Variants in FOXK2 observed in about 807,000 individuals in gnomAD.
The protein encoded by FOXK2 is forkhead box protein K2.
A neutral mutation model predicts 53.3 loss-of-function variants in FOXK2; 24 were observed. The observed-to-expected ratio is 0.45, with a 90% CI of 0.33 to 0.63. The LOEUF (loss-of-function observed/expected upper bound fraction) is 0.63, where lower values mean the gene tolerates loss of function less well. Among genes scored for constraint, FOXK2 ranks in the 30% least tolerant of loss-of-function variants. The pLI is 0.03. For synonymous variants in FOXK2, 505 were observed against 407.1 expected (o/e 1.24, Z -2.89); for missense variants, 952 against 910.5 (o/e 1.05, Z -0.59).
chr17:82,553,052 C>T (rs1358111706), intron 1 of FOXK2, among the ~76,000 whole-genome samples: 1 of 152,214 alleles, frequency 6.6e-6, no homozygotes, highest in Non-Finnish European at 1.5e-5. Context: ...TCTCCTGCCT[C>T]AGCCTCCGGA....
intron 1 of FOXK2, among the ~76,000 whole-genome samples, chr17:82,524,278 C>T (rs1479126043): frequency 6.6e-6 from 1 of 152,174 alleles, no homozygotes; most frequent in Admixed American, 6.6e-5. Context: ...AACAACCCGT[C>T]GTTGGTCTCT....
intron 1 of FOXK2, among the ~76,000 whole-genome samples, chr17:82,549,203 T>C (rs2044653691): frequency 6.6e-6 from 1 of 152,224 alleles, no homozygotes; most frequent in Non-Finnish European, 1.5e-5. Flanking sequence ...GTGAGGATCT[T>C]AAGTGTGAGG....
chr17:82,529,388 ATTT>A (rs767198244), intron 1 of FOXK2, among the ~76,000 whole-genome samples: 5 of 122,060 alleles, frequency 4.1e-5, no homozygotes, highest in Admixed American at 8.6e-5. Context: ...ACGCCGGCTA[ATTT>A]TTTTTTTTTT....
chr17:82,533,180 T>G (rs1367316338), intron 1 of FOXK2, among the ~76,000 whole-genome samples: 2 of 152,192 alleles, frequency 1.3e-5, no homozygotes, highest in Non-Finnish European at 2.9e-5. Flanking sequence ...AGCAGTATAC[T>G]CTAAATTAAC....
chr17:82,565,526 T>C (rs949780201), intron 2 of FOXK2, among the ~76,000 whole-genome samples: 5 of 152,066 alleles, frequency 3.3e-5, no homozygotes, highest in Non-Finnish European at 5.9e-5. Context: ...AAAGAAGATA[T>C]AGAAATGGCC....
In FOXK2 at chr17:82,601,741, T is replaced by G. The variant is rs1041262470; in HGVS notation, c.*242T>G. On this transcript the variant is annotated 3_prime_UTR_variant, in exon 9 of 9. Transcript: ENST00000335255. ...CCACTGAGCACCTGCTGGGCTGAGC[T>G]TCTACCTACGAGTGAAACTCTGTCC... 6.9e-6 allele frequency: 3 copies of G among 434,982 alleles called. No individual in the cohort carries two copies. The highest frequency in any genetic ancestry group is 5.9e-5 in the African/African-American group (3 of 51,164). 26.9% of individuals were successfully genotyped at this position (434,982 alleles called of 1,614,324 possible).
chr17:82,546,934 G>A (rs188974915), intron 1 of FOXK2, among the ~76,000 whole-genome samples: 8 of 151,986 alleles, frequency 5.3e-5, no homozygotes, highest in South Asian at 4.2e-4. Flanking sequence ...AAAATTAGTC[G>A]GGCGTGGTGG....
rs751776107 is a variant in FOXK2, at chr17:82,584,061, T to C, written c.1152T>C (p.Ser384=). The change falls in exon 6 of 9, where the codon TCT becomes TCC. Residue 384 remains serine, a synonymous_variant. Transcript: ENST00000335255. The part of the protein sequence containing the change: ...PNHAGVLSAH[S]SGAQTPESLS... ...ACGCGGGAGTGCTGTCTGCTCACTC[T>C]AGTGGCGCCCAGACCCCTGAGAGCC... The C allele has an allele frequency of 3.1e-6, 5 of 1,611,880 alleles. No individual in the cohort carries two copies. Among genetic ancestry groups the C allele is most frequent in the Non-Finnish European group, 3.4e-6 (4 of 1,179,794 alleles).
rs1404808814 is a variant in FOXK2, at chr17:82,587,140, A to C, written c.1654A>C (p.Thr552Pro). The change falls in exon 8 of 9, where the codon ACC becomes CCC. Residue 552 changes from threonine to proline, a missense_variant. Around this residue, in one of 5 missense-constraint regions of FOXK2, gnomAD observed 551 missense variants for 385.1 expected, o/e 1.43. Coordinates refer to ENST00000335255, the MANE Select transcript of FOXK2 (RefSeq NM_004514.4). ...ASRIIQTAQT[T>P]PVQTVTIVQQ... ...CCGGATCATTCAGACGGCACAGACC[A>C]CCCCGGTCCAGACGGTGACCATAGT... 6.2e-7 allele frequency: 1 copy of C among 1,613,032 alleles called. No individual in the cohort carries two copies. The highest frequency in any genetic ancestry group is 1.1e-5 in the South Asian group (1 of 91,082).
At chr17:82,565,091 C>T (rs1453244951) in intron 2 of FOXK2, among the ~76,000 whole-genome samples, 13 of 152,144 alleles carry the variant, frequency 8.5e-5, no homozygotes, top group Non-Finnish European at 1.9e-4. Context: ...GACTTCCCAA[C>T]AAGTGGTACC....
chr17:82,601,264 G>C (rs371933627), intron 8 of FOXK2, 39 bp from the exon 9 acceptor site: 1 of 1,589,102 alleles, frequency 6.3e-7, no homozygotes, highest in Non-Finnish European at 8.6e-7. Context: ...GAGGGTTCAC[G>C]TGAGAGCGTG....
At chr17:82,596,395 C>G (rs1191770553) in intron 8 of FOXK2, among the ~76,000 whole-genome samples, 1 of 44,730 alleles carries the variant, frequency 2.2e-5, no homozygotes. Flanking sequence ...TAGGGGGAGC[C>G]TCAGAGCTTG....
At chr17:82,587,340 G>A (rs924852294) in intron 8 of FOXK2, 68 bp downstream of exon 8, 1 of 1,264,382 alleles carries the variant, frequency 7.9e-7, no homozygotes, top group East Asian at 2.3e-5. Context: ...TCTCACTCGT[G>A]GTTTCGGTTC....
chr17:82,583,956 A>G, intron 5 of FOXK2, 57 bp from the exon 6 acceptor site: 1 of 1,519,400 alleles, frequency 6.6e-7, no homozygotes, highest in East Asian at 2.3e-5. Context: ...TAAAACAGCA[A>G]GTGCTTTCTG....
Position 82,584,242 on chromosome 17 carries a change from C to T in FOXK2, c.1279+54C>T, listed in dbSNP as rs968733567. 46 of 1,484,260 alleles carry T rather than the reference C, an allele frequency of 3.1e-5. No homozygotes were observed. The Middle Eastern group carries it at 7.2e-4, about 23-fold the overall frequency. 91.9% of individuals were successfully genotyped at this position (1,484,260 alleles called of 1,614,324 possible). A position where few individuals can be genotyped will look rare whatever the true frequency, so the allele number is the denominator to read the frequency against. On this transcript the variant is annotated intron_variant, in intron 6 of 8. Coordinates refer to ENST00000335255, the MANE Select transcript of FOXK2 (RefSeq NM_004514.4). The stretch of plus-strand genomic sequence containing the variant: ...CCCAACAGCGTGAGCCAGACGCGGA[C>T]GCCTGGGCTCCACAGAGAAGAAACA...
chr17:82,571,631 C>A, intron 3 of FOXK2, 93 bp from the exon 4 acceptor site: 1 of 1,259,964 alleles, frequency 7.9e-7, no homozygotes, highest in Non-Finnish European at 1.0e-6. Flanking sequence ...ATCAGAGGAA[C>A]ACTTAAAAGC....
intron 3 of FOXK2, among the ~76,000 whole-genome samples, chr17:82,570,525 C>G (rs2044906123): frequency 6.6e-6 from 1 of 152,196 alleles, no homozygotes; most frequent in Non-Finnish European, 1.5e-5. Flanking sequence ...CCTCTGCCCA[C>G]TCTGAGCTGT....
chr17:82,548,772 C>T (rs2044650337), intron 1 of FOXK2, among the ~76,000 whole-genome samples: 1 of 152,194 alleles, frequency 6.6e-6, no homozygotes, highest in Non-Finnish European at 1.5e-5. Context: ...TGACCTCACC[C>T]TGGGGGAGGC....
intron 1 of FOXK2, among the ~76,000 whole-genome samples, chr17:82,529,780 C>G (rs1004584473): frequency 6.6e-6 from 1 of 152,180 alleles, no homozygotes; most frequent in Non-Finnish European, 1.5e-5. Context: ...AGGACACTCT[C>G]GGAATGCAGT....
Sources: gnomAD v4.1 joint callset for allele counts (sites outside exome capture counted in the v4.1 genomes callset) on GRCh38, gnomAD v4.1.1 for gene constraint, gnomAD v4.1.1 regional missense constraint, MANE v1.5 for transcripts, NCBI Gene and HGNC (gene_info 2026-07-23, HGNC 2026-07-21) for gene names.